The following MECOM variants were observed in gnomAD, a reference collection of about 807,000 sequenced individuals.
MECOM encodes the protein MDS1 and EVI1 complex locus, also known as histone-lysine N-methyltransferase MECOM.
A neutral mutation model predicts 116.3 loss-of-function variants in MECOM; 13 were observed. The ratio of observed to expected loss-of-function variants is 0.11; its 90% CI spans 0.07 to 0.18. MECOM has a LOEUF of 0.18. Among genes scored for constraint, MECOM ranks in the 10% least tolerant of loss-of-function variants. MECOM has a pLI of 1.00. For missense variants in MECOM, 1,299 were observed against 1,509.0 expected (o/e 0.86, Z 2.31); for synonymous variants, 528 against 535.2 (o/e 0.99, Z 0.19).
intron 1 of MECOM, among the ~76,000 whole-genome samples, chr3:169,653,648 A>C (rs1319773758): frequency 6.6e-6 from 1 of 152,226 alleles, no homozygotes; most frequent in African/African-American, 2.4e-5. Context: ...ATGAGTAAAC[A>C]AGGTAGGCTG....
At chr3:169,096,487 C>G (rs925492624) in intron 12 of MECOM, among the ~76,000 whole-genome samples, 21 of 152,000 alleles carry the variant, frequency 1.4e-4, no homozygotes, top group Admixed American at 6.6e-4. Context: ...CCAAGCTGGT[C>G]TCGAACTCCT....
At chr3:169,417,411 C>G (rs1738852451) in intron 1 of MECOM, among the ~76,000 whole-genome samples, 1 of 152,238 alleles carries the variant, frequency 6.6e-6, no homozygotes, top group Non-Finnish European at 1.5e-5. Context: ...CAATGAGATA[C>G]CATTTCACAC....
chr3:169,592,234 C>T (rs1356751581), intron 1 of MECOM, among the ~76,000 whole-genome samples: 4 of 152,192 alleles, frequency 2.6e-5, no homozygotes, highest in African/African-American at 9.7e-5. Context: ...CTGCTGTTCA[C>T]AAAAACTTGC....
intron 2 of MECOM, among the ~76,000 whole-genome samples, chr3:169,301,048 G>T (rs951751260): frequency 2.0e-5 from 3 of 152,220 alleles, no homozygotes; most frequent in Admixed American, 6.5e-5. Flanking sequence ...TGTGGGTTCA[G>T]TATTTAAACC....
At chr3:169,134,527 C>G (rs1577102099) in intron 3 of MECOM, among the ~76,000 whole-genome samples, 1 of 152,212 alleles carries the variant, frequency 6.6e-6, no homozygotes, top group Non-Finnish European at 1.5e-5. Context: ...TGGCAAGCGC[C>G]AGATATAATG....
rs1742133218 is a variant in MECOM at position 169,157,236 on chromosome 3, G to T, written c.376-13404C>A. On this transcript the variant is annotated intron_variant, in intron 2 of 16. Transcript: ENST00000651503. Reference sequence around the variant, plus strand: ...AGGCAATTCTGGCCTCAGAATAATTGCCCCACCCCAAATCTCTGATGGTGG... The same window carrying T: ...AGGCAATTCTGGCCTCAGAATAATTTCCCCACCCCAAATCTCTGATGGTGG... Among the ~76,000 whole-genome samples the T allele has an allele frequency of 2.0e-5, 3 of 152,130 alleles. No homozygotes were observed. In the South Asian group the frequency reaches 6.2e-4, roughly 32 times the overall value.
At chr3:169,106,211 T>C (rs1388350038) in intron 10 of MECOM, among the ~76,000 whole-genome samples, 1 of 152,166 alleles carries the variant, frequency 6.6e-6, no homozygotes, top group Non-Finnish European at 1.5e-5. Flanking sequence ...ATCATGGTCA[T>C]ATGGGGGAGA....
rs542455455 is a variant in MECOM, at chr3:169,583,447, TC to T, written c.37+79888del. On this transcript the variant is annotated intron_variant, in intron 1 of 16. Coordinates refer to ENST00000651503, the MANE Select transcript of MECOM (RefSeq NM_004991.4). ...ACTAACAAAGTGAAACATGTTGTCC[TC>T]TCTCTCCCCCTCTATCTCTCGCTTT... Among the ~76,000 whole-genome samples, 20 of 152,132 alleles carry T rather than the reference TC, an allele frequency of 1.3e-4. No individual in the cohort carries two copies. The East Asian group carries it at 3.7e-3, about 28-fold the overall frequency.
At chr3:169,556,628 G>A (rs1344898092) in intron 1 of MECOM, among the ~76,000 whole-genome samples, 1 of 152,164 alleles carries the variant, frequency 6.6e-6, no homozygotes, top group East Asian at 1.9e-4. Flanking sequence ...GGAAAATAAA[G>A]AGAAGTGTCA....
intron 1 of MECOM, among the ~76,000 whole-genome samples, chr3:169,578,048 G>A (rs1300025353): frequency 6.6e-6 from 1 of 151,884 alleles, no homozygotes; most frequent in African/African-American, 2.4e-5. Context: ...AAAAAAAGAC[G>A]TTGTTTTCTA....
At chr3:169,530,615 G>A (rs1371687312) in intron 1 of MECOM, among the ~76,000 whole-genome samples, 3 of 152,110 alleles carry the variant, frequency 2.0e-5, no homozygotes, top group Non-Finnish European at 2.9e-5. Context: ...GGTGTCTGCC[G>A]CACTGGGGTG....
chr3:169,218,710 T>G (rs1011415857), intron 2 of MECOM, among the ~76,000 whole-genome samples: 1 of 152,206 alleles, frequency 6.6e-6, no homozygotes, highest in African/African-American at 2.4e-5. Flanking sequence ...ATATCAGTGT[T>G]AACTTTTATT....
chr3:169,287,904 A>G (rs1175241992), intron 2 of MECOM, among the ~76,000 whole-genome samples: 2 of 152,194 alleles, frequency 1.3e-5, no homozygotes, highest in Non-Finnish European at 2.9e-5. Flanking sequence ...TGCCCAGGGC[A>G]TGATTCTGAC....
chr3:169,300,492 A>G (rs891100654), intron 2 of MECOM, among the ~76,000 whole-genome samples: 10 of 152,196 alleles, frequency 6.6e-5, no homozygotes, highest in Admixed American at 4.6e-4. Context: ...TAATTGTTCA[A>G]ATGTTCTATA....
chr3:169,628,750 A>T (rs1421003), intron 1 of MECOM, among the ~76,000 whole-genome samples: 12,725 of 152,216 alleles, frequency 0.084, 668 homozygotes, highest in East Asian at 0.25. Flanking sequence ...GATGATTCAG[A>T]GTTCTCAAGA....
At chr3:169,090,497 A>G (rs1375082073) in intron 14 of MECOM, among the ~76,000 whole-genome samples, 1 of 152,106 alleles carries the variant, frequency 6.6e-6, no homozygotes, top group Non-Finnish European at 1.5e-5. Flanking sequence ...TTGGTCTCCC[A>G]TTTCTTATCA....
At chr3:169,144,919 C>T in intron 2 of MECOM, 1 of 1,090,434 alleles carries the variant, frequency 9.2e-7, no homozygotes, top group East Asian at 2.6e-5. Flanking sequence ...AAATTAAACT[C>T]TTGAGTACTG....
chr3:169,640,108 T>A (rs1773277183), intron 1 of MECOM, among the ~76,000 whole-genome samples: 1 of 152,220 alleles, frequency 6.6e-6, no homozygotes, highest in Non-Finnish European at 1.5e-5. Flanking sequence ...TAATTCTTTA[T>A]AAGAGACGTA....
chr3:169,392,341 A>G (rs559129016), intron 1 of MECOM, among the ~76,000 whole-genome samples: 20 of 152,342 alleles, frequency 1.3e-4, no homozygotes, highest in African/African-American at 4.3e-4. Flanking sequence ...GAATGCTTCA[A>G]TTGCACATTC....
Sources: gnomAD v4.1 joint callset for allele counts (sites outside exome capture counted in the v4.1 genomes callset) on GRCh38, gnomAD v4.1.1 for gene constraint, MANE v1.5 for transcripts, NCBI Gene and HGNC (gene_info 2026-07-23, HGNC 2026-07-21) for gene names.